Variants in RBFOX1 observed in about 807,000 individuals in gnomAD.
The protein encoded by RBFOX1 is RNA binding fox-1 homolog 1, also known as RNA binding protein fox-1 homolog 1.
In RBFOX1, 8 loss-of-function variants were observed where a neutral mutation model predicts 57.7. The observed-to-expected ratio is 0.14, with a 90% CI of 0.08 to 0.25. RBFOX1 has a LOEUF of 0.25. RBFOX1 is among the 10% of genes least tolerant of loss of function. The pLI is 1.00. For synonymous variants in RBFOX1, 326 were observed against 222.4 expected, an observed-to-expected ratio of 1.47 and a Z score of -4.15; for missense variants, 611 against 548.5, an observed-to-expected ratio of 1.11 and a Z score of -1.14.
intron 4 of RBFOX1, among the ~76,000 whole-genome samples, chr16:7,177,225 G>T (rs148772274): frequency 6.6e-6 from 1 of 152,288 alleles, no homozygotes; most frequent in Non-Finnish European, 1.5e-5. Flanking sequence ...AATCAAAGGG[G>T]AAATTTGTGC....
chr16:7,506,409 T>G lies in RBFOX1; in HGVS notation c.28-11738T>G, dbSNP rs149583883. Among the ~76,000 whole-genome samples the G allele has an allele frequency of 4.1e-3, 622 of 152,192 alleles. 4 individuals are homozygous for G. Among genetic ancestry groups the G allele is most frequent in the African/African-American group, 0.014 (599 of 41,524 alleles). On this transcript the variant is annotated intron_variant, in intron 4 of 15. Coordinates refer to ENST00000550418, the MANE Select transcript of RBFOX1 (RefSeq NM_018723.4). ...TAGCTTGAAAAAGAAGATAAAAATA[T>G]GCGGTGTGTTGGATTCTTGTTAAAT...
chr16:7,025,646 G>T (rs973241579), intron 3 of RBFOX1, among the ~76,000 whole-genome samples: 15 of 152,246 alleles, frequency 9.9e-5, no homozygotes, highest in African/African-American at 3.6e-4. Flanking sequence ...TTTGGATAGA[G>T]GGGGGCACCT....
chr16:6,655,185 C>T (rs1354988467), intron 3 of RBFOX1, among the ~76,000 whole-genome samples: 10 of 151,260 alleles, frequency 6.6e-5, no homozygotes, highest in African/African-American at 2.4e-4. Flanking sequence ...ACCAACCTGG[C>T]CAACATGGGG....
intron 2 of RBFOX1, among the ~76,000 whole-genome samples, chr16:6,511,789 A>C (rs1022444082): frequency 2.0e-5 from 3 of 152,246 alleles, no homozygotes; most frequent in Non-Finnish European, 2.9e-5. Context: ...TTCAAATTCT[A>C]CTAGTGGCTT....
chr16:5,626,632 G>T (rs1477704014), intron 3 of RBFOX1, among the ~76,000 whole-genome samples: 1 of 152,086 alleles, frequency 6.6e-6, no homozygotes, highest in Non-Finnish European at 1.5e-5. Flanking sequence ...CCCGCCATGG[G>T]AATAAGGTGT....
At chr16:6,435,302 G>GT (rs138557034) in intron 2 of RBFOX1, among the ~76,000 whole-genome samples, 8 of 151,388 alleles carry the variant, frequency 5.3e-5, no homozygotes, top group East Asian at 3.9e-4. Context: ...GTTGTTTTTT[G>GT]TTTTGTTTTT....
chr16:5,266,541 A>G (rs552975570), intron 1 of RBFOX1, among the ~76,000 whole-genome samples: 113 of 124,178 alleles, frequency 9.1e-4, no homozygotes, highest in African/African-American at 2.9e-3. Flanking sequence ...TAATATGGAA[A>G]TGTTCAGTTT....
intron 3 of RBFOX1, among the ~76,000 whole-genome samples, chr16:6,796,138 A>G (rs565803815): frequency 6.6e-6 from 1 of 152,268 alleles, no homozygotes; most frequent in South Asian, 2.1e-4. Context: ...GGTGAAAGGT[A>G]TGTCTCACAT....
At chr16:5,876,348 A>G (rs934927628) in intron 4 of RBFOX1, among the ~76,000 whole-genome samples, 8 of 152,298 alleles carry the variant, frequency 5.3e-5, no homozygotes, top group Non-Finnish European at 1.0e-4. Flanking sequence ...TTTACAGATG[A>G]GCATACTGAG....
At chr16:7,554,490 C>G (rs1378006237) in intron 5 of RBFOX1, among the ~76,000 whole-genome samples, 2 of 151,984 alleles carry the variant, frequency 1.3e-5, no homozygotes, top group Non-Finnish European at 1.5e-5. Context: ...CAGCCTGAGT[C>G]GTGTAGACTA....
At chr16:6,280,553 A>C (rs1348740238) in intron 1 of RBFOX1, among the ~76,000 whole-genome samples, 3 of 152,172 alleles carry the variant, frequency 2.0e-5, no homozygotes, top group African/African-American at 7.2e-5. Flanking sequence ...CACAGCATCC[A>C]GAGGAGGACA....
intron 4 of RBFOX1, among the ~76,000 whole-genome samples, chr16:7,317,091 A>G (rs377123803): frequency 1.3e-5 from 2 of 152,090 alleles, no homozygotes; most frequent in Non-Finnish European, 2.9e-5. Flanking sequence ...AGAGGGAGAC[A>G]AGATAGAAAG....
intron 1 of RBFOX1, among the ~76,000 whole-genome samples, chr16:6,095,218 G>T (rs974186070): frequency 3.3e-5 from 5 of 152,182 alleles, no homozygotes; most frequent in African/African-American, 1.2e-4. Context: ...AGGTGGATTT[G>T]GAATTCCTTT....
intron 1 of RBFOX1, chr16:5,366,480 A>G (rs548338119): frequency 9.1e-6 from 4 of 438,972 alleles, no homozygotes; most frequent in African/African-American, 8.2e-5. Flanking sequence ...CAAAAGGGCA[A>G]GAATCCTTCA....
At chr16:6,181,044 A>G (rs2097058875) in intron 1 of RBFOX1, among the ~76,000 whole-genome samples, 1 of 152,114 alleles carries the variant, frequency 6.6e-6, no homozygotes, top group Non-Finnish European at 1.5e-5. Flanking sequence ...CCATTTTCAA[A>G]TCTTTCCAAG....
At chr16:6,147,568 A>G (rs1386267686) in intron 1 of RBFOX1, among the ~76,000 whole-genome samples, 3 of 152,150 alleles carry the variant, frequency 2.0e-5, no homozygotes, top group African/African-American at 4.8e-5. Flanking sequence ...AAAACACCCA[A>G]CAATTAAAAC....
intron 1 of RBFOX1, among the ~76,000 whole-genome samples, chr16:6,060,941 G>A (rs765210828): frequency 3.3e-5 from 5 of 152,124 alleles, no homozygotes; most frequent in Non-Finnish European, 5.9e-5. Flanking sequence ...GGACACACGG[G>A]GCTGCCCTGA....
intron 3 of RBFOX1, among the ~76,000 whole-genome samples, chr16:6,778,160 G>A (rs1326026279): frequency 1.3e-5 from 2 of 152,078 alleles, no homozygotes; most frequent in South Asian, 2.1e-4. Flanking sequence ...CATGAGAATC[G>A]AATTTCAAAG....
chr16:6,485,109 GTTGT>G (rs2095447101), intron 2 of RBFOX1, among the ~76,000 whole-genome samples: 1 of 152,156 alleles, frequency 6.6e-6, no homozygotes. Context: ...TTTGAAGAGG[GTTGT>G]TTGTTAAGTA....
Sources: gnomAD v4.1 joint callset for allele counts (sites outside exome capture counted in the v4.1 genomes callset) on GRCh38, gnomAD v4.1.1 for gene constraint, MANE v1.5 for transcripts, NCBI Gene and HGNC (gene_info 2026-07-23, HGNC 2026-07-21) for gene names.